Variants in SUGCT observed in about 807,000 individuals in gnomAD.
The protein encoded by SUGCT is succinyl-CoA:glutarate-CoA transferase.
SUGCT carries 41 observed loss-of-function variants against 55.0 expected under a neutral mutation model. The observed-to-expected ratio is 0.74, with a 90% CI of 0.58 to 0.97. The LOEUF (loss-of-function observed/expected upper bound fraction) is 0.97, where lower values mean the gene tolerates loss of function less well. Among genes scored for constraint, SUGCT ranks in the 50% least tolerant of loss-of-function variants. The pLI, the probability that SUGCT is intolerant of heterozygous loss-of-function variation, is 0.00. For synonymous variants in SUGCT, 187 were observed against 200.4 expected, an observed-to-expected ratio of 0.93 and a Z score of 0.56; for missense variants, 568 against 547.8, an observed-to-expected ratio of 1.04 and a Z score of -0.37.
At chr7:40,171,113 CCTT>C (rs766190198) in intron 1 of SUGCT, among the ~76,000 whole-genome samples, 14 of 152,302 alleles carry the variant, frequency 9.2e-5, no homozygotes, top group Admixed American at 2.6e-4. Context: ...GGGCCTTTGT[CCTT>C]CTTTCCTTTG....
intron 11 of SUGCT, among the ~76,000 whole-genome samples, chr7:40,494,153 G>T (rs906452550): frequency 6.6e-6 from 1 of 152,200 alleles, no homozygotes; most frequent in Admixed American, 6.5e-5. Context: ...GCCATGGGTT[G>T]TTTGGATATT....
intron 9 of SUGCT, among the ~76,000 whole-genome samples, chr7:40,422,228 T>C (rs1294531628): frequency 6.6e-6 from 1 of 152,140 alleles, no homozygotes; most frequent in Non-Finnish European, 1.5e-5. Context: ...TGTGTTTATA[T>C]GTTGGCAGTA....
At chr7:40,848,802 A>AT (rs1262420207) in intron 13 of SUGCT, among the ~76,000 whole-genome samples, 6 of 152,042 alleles carry the variant, frequency 3.9e-5, no homozygotes, top group African/African-American at 7.2e-5. Context: ...CCAAAGCCAC[A>AT]TTTTTTCTCT....
intron 8 of SUGCT, among the ~76,000 whole-genome samples, chr7:40,309,040 G>A (rs1035864566): frequency 3.3e-5 from 5 of 152,114 alleles, no homozygotes; most frequent in African/African-American, 1.2e-4. Context: ...GATTTTCACA[G>A]GCCTTCTCCA....
intron 9 of SUGCT, among the ~76,000 whole-genome samples, chr7:40,365,324 C>A (rs1316097503): frequency 1.3e-5 from 2 of 151,902 alleles, no homozygotes; most frequent in Admixed American, 6.6e-5. Flanking sequence ...TGGGCAAAAA[C>A]TGGAAGCATT....
intron 12 of SUGCT, among the ~76,000 whole-genome samples, chr7:40,506,858 G>C (rs115380786): frequency 6.6e-6 from 1 of 152,022 alleles, no homozygotes; most frequent in African/African-American, 2.4e-5. Context: ...TGTACTTTTG[G>C]ACTCCAGAAC....
At chr7:40,618,419 C>G (rs1480446794) in intron 12 of SUGCT, among the ~76,000 whole-genome samples, 1 of 152,174 alleles carries the variant, frequency 6.6e-6, no homozygotes, top group South Asian at 2.1e-4. Context: ...TCTACTGAAG[C>G]CATGAGCAGC....
At chr7:40,490,491 G>C (rs1284636356) in intron 11 of SUGCT, among the ~76,000 whole-genome samples, 2 of 152,132 alleles carry the variant, frequency 1.3e-5, no homozygotes, top group Non-Finnish European at 2.9e-5. Flanking sequence ...GTTTTGGCTT[G>C]GGAGAGAAGT....
intron 13 of SUGCT, among the ~76,000 whole-genome samples, chr7:40,846,098 G>C (rs1284372926): frequency 7.2e-5 from 11 of 152,116 alleles, no homozygotes. Context: ...AGGCAGAGGA[G>C]GTGAGGAGAA....
chr7:41,010,650 A>C, the SUGCT span, among the ~76,000 whole-genome samples: 1 of 152,196 alleles, frequency 6.6e-6, no homozygotes. Context: ...CAATGGTCAG[A>C]AGTTTATATT....
intron 12 of SUGCT, among the ~76,000 whole-genome samples, chr7:40,496,847 T>C (rs966848784): frequency 3.2e-5 from 4 of 125,688 alleles, no homozygotes; most frequent in African/African-American, 1.4e-4. Context: ...GCAAGTCATA[T>C]TTAATTCTGC....
rs544191360 is a variant in SUGCT at position 40,367,738 on chromosome 7, G to A, written c.816+50883G>A. 4.7e-4 allele frequency among the ~76,000 whole-genome samples: 71 copies of A among 152,082 alleles called. No homozygotes were observed. The Middle Eastern group carries it at 0.017, about 36-fold the overall frequency. The stretch of plus-strand genomic sequence containing the variant: ...CCTCTTCTTTCCACCTCTGCTGCCC[G>A]ACCGTGGTCTGTTATCTCTCCCTTA... On this transcript the variant is annotated intron_variant, in intron 9 of 13. Transcript: ENST00000335693.
intron 6 of SUGCT, among the ~76,000 whole-genome samples, chr7:40,227,949 C>T (rs2150848090): frequency 6.6e-6 from 1 of 152,062 alleles, no homozygotes; most frequent in Non-Finnish European, 1.5e-5. Context: ...ATGGCACCAT[C>T]TCGGCTCACT....
intron 13 of SUGCT, chr7:40,793,320 T>C (rs1369769946): frequency 6.6e-6 from 1 of 152,154 alleles, no homozygotes; most frequent in African/African-American, 2.4e-5. Context: ...TGATTACTCT[T>C]AATTTTAATG....
At chr7:40,989,283 A>G in the SUGCT span, among the ~76,000 whole-genome samples, 11 of 152,212 alleles carry the variant, frequency 7.2e-5, no homozygotes, top group African/African-American at 2.7e-4. Flanking sequence ...ACTGCTTTCA[A>G]AATTGGAGTC....
chr7:40,376,759 A>G (rs1784568295), intron 9 of SUGCT, among the ~76,000 whole-genome samples: 1 of 148,260 alleles, frequency 6.7e-6, no homozygotes, highest in Non-Finnish European at 1.5e-5. Flanking sequence ...TTTTTTTTTA[A>G]CAGTTGCATA....
rs192670944 is a variant in SUGCT, at chr7:40,583,047, A to C, written c.1089+86661A>C. ...GACTGTGAAAATACAGAACACAAAAACTAGCAGCTCAATAATTTGCCTTGC... is the reference window on the plus strand; with the variant it reads ...GACTGTGAAAATACAGAACACAAAACCTAGCAGCTCAATAATTTGCCTTGC... On this transcript the variant is annotated intron_variant, in intron 12 of 13. Coordinates refer to ENST00000335693, the MANE Select transcript of SUGCT (RefSeq NM_001193313.2). Among the ~76,000 whole-genome samples the C allele has an allele frequency of 3.3e-5, 5 of 152,320 alleles. No individual in the cohort carries two copies. In the East Asian group the frequency reaches 9.7e-4, roughly 29 times the overall value.
chr7:40,637,168 A>C (rs1430068046), intron 12 of SUGCT, among the ~76,000 whole-genome samples: 1 of 152,236 alleles, frequency 6.6e-6, no homozygotes, highest in Admixed American at 6.5e-5. Flanking sequence ...AACTCACTAA[A>C]ATATGTAAAA....
chr7:40,301,806 C>G (rs560671428), intron 8 of SUGCT, among the ~76,000 whole-genome samples: 1 of 152,246 alleles, frequency 6.6e-6, no homozygotes, highest in South Asian at 2.1e-4. Context: ...TGTCTAAGTT[C>G]ATTTATTTTG....
Sources: gnomAD v4.1 joint callset for allele counts (sites outside exome capture counted in the v4.1 genomes callset) on GRCh38, gnomAD v4.1.1 for gene constraint, MANE v1.5 for transcripts, NCBI Gene and HGNC (gene_info 2026-07-23, HGNC 2026-07-21) for gene names.